SYCP2L: variants seen among roughly 807,000 people sequenced by gnomAD.
The protein encoded by SYCP2L is synaptonemal complex protein 2 like.
Under a neutral mutation model 125.8 loss-of-function variants are expected in SYCP2L, and 98 were observed. The ratio of observed to expected loss-of-function variants is 0.78; its 90% CI spans 0.66 to 0.92. The LOEUF (loss-of-function observed/expected upper bound fraction) is 0.92, where lower values mean the gene tolerates loss of function less well. SYCP2L is among the 40% of genes least tolerant of loss of function. The pLI is 0.00. For missense variants in SYCP2L, 842 were observed against 936.4 expected (o/e 0.90, Z 1.32); for synonymous variants, 317 against 325.4 (o/e 0.97, Z 0.28).
intron 8 of SYCP2L, among the ~76,000 whole-genome samples, chr6:10,905,176 C>A (rs755044958): frequency 7.1e-6 from 1 of 140,902 alleles, no homozygotes. Flanking sequence ...AGAAGAAGAT[C>A]GACTCACACT....
intron 20 of SYCP2L, among the ~76,000 whole-genome samples, chr6:10,933,147 G>A (rs1379989135): frequency 6.6e-6 from 1 of 152,146 alleles, no homozygotes; most frequent in Non-Finnish European, 1.5e-5. Flanking sequence ...TACAAATACT[G>A]GTATTCAAAA....
At chr6:10,927,199 G>A (rs547196455) in intron 16 of SYCP2L, 41 bp from the exon 17 acceptor site, 5 of 1,611,102 alleles carry the variant, frequency 3.1e-6, no homozygotes, top group East Asian at 2.2e-5. Context: ...ATGTCAGCGT[G>A]TGCACGGTTA....
In SYCP2L at chr6:10,958,833, C is replaced by T. The variant is rs763633463; in HGVS notation, c.2213C>T (p.Pro738Leu). Residue 738 changes from proline to leucine, a missense_variant, in exon 26 of 30, where the codon CCG (proline) becomes CTG (leucine). Pro to Leu is a moderately conservative substitution (Grantham distance 98, BLOSUM62 -3). Coordinates refer to ENST00000283141, the MANE Select transcript of SYCP2L (RefSeq NM_001040274.3). ...PFNSENAKKAPDCLIKLLNQM... is the reference protein window; with the variant it reads ...PFNSENAKKALDCLIKLLNQM... ...AATTCAGAAAATGCAAAGAAAGCAC[C>T]GGATTGCCTAATAAAACTTTTAAAC... 1.2e-5 allele frequency: 20 copies of T among 1,613,538 alleles called. No individual in the cohort carries two copies. The highest frequency in any genetic ancestry group is 4.4e-5 in the South Asian group (4 of 90,994).
At chr6:10,892,356 G>A (rs552592010) in intron 2 of SYCP2L, among the ~76,000 whole-genome samples, 2 of 152,328 alleles carry the variant, frequency 1.3e-5, no homozygotes, top group South Asian at 4.1e-4. Context: ...CTGGAGTGCA[G>A]TGGTACAATC....
intron 4 of SYCP2L, among the ~76,000 whole-genome samples, chr6:10,895,636 G>C (rs1424005344): frequency 6.6e-6 from 1 of 151,542 alleles, no homozygotes; most frequent in Non-Finnish European, 1.5e-5. Context: ...CAAAAGGGGG[G>C]GGTACTATGA....
chr6:10,920,437 G>C (rs922674288), intron 14 of SYCP2L, among the ~76,000 whole-genome samples: 3 of 152,038 alleles, frequency 2.0e-5, no homozygotes, highest in Non-Finnish European at 4.4e-5. Context: ...GGCTGGTCTC[G>C]AACTCCTGAC....
chr6:10,935,399 G>T (rs936066765), intron 21 of SYCP2L, among the ~76,000 whole-genome samples: 1 of 152,146 alleles, frequency 6.6e-6, no homozygotes, highest in Non-Finnish European at 1.5e-5. Flanking sequence ...CCCAAGAATT[G>T]CTGGTCTCTT....
At position 10,893,916 on chromosome 6, in the gene SYCP2L, TAAAAG is replaced by T. The variant is rs755088843; in HGVS notation, c.131_135del (p.Lys44IlefsTer14). ...TTCCATGATAAAGGATTTCAGAAAA[TAAAAG>T]AATACTTTCAACAGAAAGAGAGCCA... On this transcript the variant is annotated frameshift_variant, in exon 3 of 30. Coordinates refer to ENST00000283141, the MANE Select transcript of SYCP2L (RefSeq NM_001040274.3). LOFTEE classifies it high-confidence loss of function. The T allele has an allele frequency of 1.9e-6, 3 of 1,612,426 alleles. No individual in the cohort carries two copies. Among genetic ancestry groups the T allele is most frequent in the Non-Finnish European group, 2.5e-6 (3 of 1,179,528 alleles).
intron 2 of SYCP2L, among the ~76,000 whole-genome samples, chr6:10,892,947 A>T (rs1780198854): frequency 3.3e-5 from 1 of 30,140 alleles, no homozygotes; most frequent in Admixed American, 4.7e-4. Context: ...AGATTTTTTT[A>T]AAGATAAAAA....
intron 1 of SYCP2L, among the ~76,000 whole-genome samples, chr6:10,888,165 T>C (rs1481192234): frequency 1.5e-5 from 2 of 134,162 alleles, no homozygotes; most frequent in African/African-American, 2.8e-5. Flanking sequence ...GGCGTGATCT[T>C]GGCTCACTGC....
At chr6:10,899,453 T>C (rs908083500) in intron 6 of SYCP2L, among the ~76,000 whole-genome samples, 1 of 151,946 alleles carries the variant, frequency 6.6e-6, no homozygotes, top group African/African-American at 2.4e-5. Context: ...GAGGGTGAGG[T>C]GGGAGGATCA....
At chr6:10,967,556 G>GGGGCC (rs1781703992) in intron 29 of SYCP2L, among the ~76,000 whole-genome samples, 1 of 149,838 alleles carries the variant, frequency 6.7e-6, no homozygotes, top group East Asian at 2.0e-4. Context: ...TGCAAGGATG[G>GGGGCC]TTTAACATTT....
rs754134909 is a variant in SYCP2L, at chr6:10,961,304, G to T, written c.2256-1G>T. 6.2e-7 allele frequency: 1 copy of T among 1,610,870 alleles called. No homozygotes were observed. Among genetic ancestry groups the T allele is most frequent in the Non-Finnish European group, 8.5e-7 (1 of 1,177,162 alleles). ...ATATTTACTGCTTTTATGTTTATTA[G>T]ACTCAATAAACTAGAGCGCTTTCAA... On this transcript the variant is annotated splice_acceptor_variant, in intron 26 of 29. Coordinates refer to ENST00000283141, the MANE Select transcript of SYCP2L (RefSeq NM_001040274.3). LOFTEE classifies it high-confidence loss of function.
At chr6:10,932,394 A>G (rs537787097) in intron 20 of SYCP2L, among the ~76,000 whole-genome samples, 2 of 152,298 alleles carry the variant, frequency 1.3e-5, no homozygotes, top group African/African-American at 2.4e-5. Context: ...CACGTGAGCT[A>G]TGTATACAGT....
chr6:10,929,549 G>C (rs1780955212), intron 18 of SYCP2L, among the ~76,000 whole-genome samples: 1 of 152,102 alleles, frequency 6.6e-6, no homozygotes, highest in South Asian at 2.1e-4. Flanking sequence ...AAGTACAGTT[G>C]AATAATCCAT....
At chr6:10,950,248 T>C (rs574426734) in intron 23 of SYCP2L, among the ~76,000 whole-genome samples, 1 of 152,338 alleles carries the variant, frequency 6.6e-6, no homozygotes, top group Admixed American at 6.5e-5. Context: ...TTAGAATTTA[T>C]TGGGGCTTAT....
At chr6:10,887,952 T>A (rs954526158) in intron 1 of SYCP2L, among the ~76,000 whole-genome samples, 1 of 152,080 alleles carries the variant, frequency 6.6e-6, no homozygotes, top group Non-Finnish European at 1.5e-5. Context: ...CCCTGTTACA[T>A]TGAAAGCTGC....
intron 1 of SYCP2L, among the ~76,000 whole-genome samples, 176 bp downstream of exon 1, chr6:10,887,311 G>A (rs754106315): frequency 2.6e-5 from 4 of 152,248 alleles, no homozygotes; most frequent in Non-Finnish European, 5.9e-5. Context: ...CAGCCTGCGG[G>A]GAGACCAGGC....
intron 20 of SYCP2L, among the ~76,000 whole-genome samples, chr6:10,932,740 A>T (rs1198189610): frequency 6.6e-6 from 1 of 152,208 alleles, no homozygotes; most frequent in Non-Finnish European, 1.5e-5. Context: ...ACACCAAAGA[A>T]ATACCACAGC....
Sources: allele counts gnomAD v4.1 joint callset (sites outside exome capture counted in the v4.1 genomes callset), GRCh38; gene constraint gnomAD v4.1.1; transcripts MANE v1.5; gene names NCBI Gene and HGNC (gene_info 2026-07-23, HGNC 2026-07-21).